The following ITGB3 variants were observed in gnomAD, a reference collection of about 807,000 sequenced individuals.
ITGB3 encodes the protein integrin subunit beta 3.
In ITGB3, 48 loss-of-function variants were observed where a neutral mutation model predicts 85.8. The ratio of observed to expected loss-of-function variants is 0.56; its 90% CI spans 0.44 to 0.71. ITGB3 has a LOEUF of 0.71. Ranked by LOEUF, ITGB3 falls within the 30% of genes least tolerant of loss-of-function variation. The pLI is 0.00. For synonymous variants in ITGB3, 363 were observed against 395.6 expected, an observed-to-expected ratio of 0.92 and a Z score of 0.98; for missense variants, 861 against 1,019.1, an observed-to-expected ratio of 0.84 and a Z score of 2.11.
intron 11 of ITGB3, 129 bp from the exon 12 acceptor site, chr17:47,300,349 G>C (rs1011402142): frequency 1.4e-6 from 1 of 727,432 alleles, no homozygotes; most frequent in Admixed American, 2.0e-5. Flanking sequence ...GCGCGCGCGT[G>C]TGTGTGTGTG....
chr17:47,290,776 G>A (rs867887487), intron 8 of ITGB3, among the ~76,000 whole-genome samples, 178 bp from the exon 9 acceptor site: 2 of 152,112 alleles, frequency 1.3e-5, no homozygotes, highest in African/African-American at 4.8e-5. Context: ...AGGTTCCTGC[G>A]CAGGAAACAG....
rs1282055572 is a variant in ITGB3 at position 47,313,245 on chromosome 17, AT to A, written c.*3043del. Among the ~76,000 whole-genome samples the A allele has an allele frequency of 6.6e-6, 1 of 151,684 alleles. No homozygotes were observed. The highest frequency in any genetic ancestry group is 1.5e-5 in the Non-Finnish European group (1 of 67,970). ...TTCCTCGGCCTCCCACAGTGCTGGGATTACAAGTGTGAAGCACTGTGCCCGG... is the reference window on the plus strand; with the variant it reads ...TTCCTCGGCCTCCCACAGTGCTGGGATACAAGTGTGAAGCACTGTGCCCGG... On this transcript the variant is annotated 3_prime_UTR_variant, in exon 15 of 15. Transcript: ENST00000559488.
At chr17:47,284,336 C>T in intron 3 of ITGB3, 107 bp from the exon 4 acceptor site, 1 of 1,330,392 alleles carries the variant, frequency 7.5e-7, no homozygotes, top group South Asian at 1.2e-5. Flanking sequence ...CCAGGGCTTT[C>T]TGGTTTGCTT....
intron 14 of ITGB3, among the ~76,000 whole-genome samples, chr17:47,309,674 G>A (rs768787961): frequency 6.6e-6 from 1 of 151,796 alleles, no homozygotes; most frequent in African/African-American, 2.4e-5. Context: ...CAGGTGGATC[G>A]CTTGAGCTCA....
chr17:47,293,106 A>G (rs1306626787), intron 10 of ITGB3, among the ~76,000 whole-genome samples: 1 of 152,218 alleles, frequency 6.6e-6, no homozygotes, highest in East Asian at 1.9e-4. Flanking sequence ...CAGTGGCCAC[A>G]TGTAGCTAGT....
At chr17:47,298,322 C>T (rs1263295640) in intron 10 of ITGB3, among the ~76,000 whole-genome samples, 1 of 152,120 alleles carries the variant, frequency 6.6e-6, no homozygotes, top group African/African-American at 2.4e-5. Flanking sequence ...TTTCTGACTT[C>T]TTTTCTCTAT....
intron 12 of ITGB3, among the ~76,000 whole-genome samples, chr17:47,301,766 G>T (rs1371401249): frequency 6.6e-6 from 1 of 152,050 alleles, no homozygotes; most frequent in Non-Finnish European, 1.5e-5. Context: ...TCTGTCAATA[G>T]CCTAGTGAAG....
chr17:47,268,634 CT>C (rs2065033892), intron 1 of ITGB3, among the ~76,000 whole-genome samples: 1 of 152,236 alleles, frequency 6.6e-6, no homozygotes, highest in Admixed American at 6.5e-5. Flanking sequence ...TCTCCCATGG[CT>C]TTGGGCAGCT....
At chr17:47,263,098 C>A (rs561706176) in intron 1 of ITGB3, among the ~76,000 whole-genome samples, 1 of 152,168 alleles carries the variant, frequency 6.6e-6, no homozygotes, top group Non-Finnish European at 1.5e-5. Context: ...TGAGGTCATA[C>A]GGCCAGAGGA....
intron 4 of ITGB3, 86 bp downstream of exon 4, chr17:47,284,781 C>T (rs2065096909): frequency 6.4e-7 from 1 of 1,559,098 alleles, no homozygotes; most frequent in Middle Eastern, 1.8e-4. Flanking sequence ...TCTAGGATCA[C>T]TTTGTTGGCT....
At chr17:47,265,298 G>T (rs2143043698) in intron 1 of ITGB3, among the ~76,000 whole-genome samples, 1 of 152,092 alleles carries the variant, frequency 6.6e-6, no homozygotes, top group Non-Finnish European at 1.5e-5. Context: ...AGTTTCTTAG[G>T]GCTGTTGTAA....
At chr17:47,295,954 C>T (rs754627244) in intron 10 of ITGB3, among the ~76,000 whole-genome samples, 6 of 152,196 alleles carry the variant, frequency 3.9e-5, no homozygotes, top group Non-Finnish European at 8.8e-5. Flanking sequence ...CTAGACTCTT[C>T]GCCTCAGGGT....
At chr17:47,302,520 A>T (rs9906248) in intron 12 of ITGB3, among the ~76,000 whole-genome samples, 1 of 152,160 alleles carries the variant, frequency 6.6e-6, no homozygotes, top group Non-Finnish European at 1.5e-5. Flanking sequence ...AAAAGGGCCT[A>T]TGCAGTACAA....
At chr17:47,285,027 G>A (rs903691947) in intron 4 of ITGB3, among the ~76,000 whole-genome samples, 3 of 152,178 alleles carry the variant, frequency 2.0e-5, no homozygotes, top group Admixed American at 6.5e-5. Flanking sequence ...GAGAAATTAC[G>A]ATTACAGAAG....
chr17:47,255,033 C>T (rs2064983646), intron 1 of ITGB3, among the ~76,000 whole-genome samples: 1 of 152,098 alleles, frequency 6.6e-6, no homozygotes, highest in African/African-American at 2.4e-5. Flanking sequence ...GGCTGGAGTG[C>T]AGTGGTGGGT....
intron 6 of ITGB3, among the ~76,000 whole-genome samples, 169 bp from the exon 7 acceptor site, chr17:47,289,512 A>G (rs891047124): frequency 6.6e-6 from 1 of 152,040 alleles, no homozygotes; most frequent in South Asian, 2.1e-4. Context: ...TTTTGTAGAG[A>G]TGGGGTCTTG....
intron 12 of ITGB3, among the ~76,000 whole-genome samples, chr17:47,301,099 T>G (rs2065165625): frequency 6.6e-6 from 1 of 152,190 alleles, no homozygotes; most frequent in Admixed American, 6.5e-5. Flanking sequence ...TCTGCCTCTC[T>G]GGGGCCCCTT....
intron 1 of ITGB3, among the ~76,000 whole-genome samples, chr17:47,255,379 G>A (rs1047170617): frequency 6.6e-6 from 1 of 152,138 alleles, no homozygotes; most frequent in Non-Finnish European, 1.5e-5. Flanking sequence ...TTCTGTGTAT[G>A]TATAGACGTA....
At chr17:47,300,346 C>CGCGCGCGCGCGTGTGT (rs377375532) in intron 11 of ITGB3, 132 bp from the exon 12 acceptor site, 464 of 619,728 alleles carry the variant, frequency 7.5e-4, no homozygotes, top group South Asian at 7.0e-3. Flanking sequence ...CGCGCGCGCG[C>CGCGCGCGCGCGTGTGT]GTGTGTGTGT....
Sources: gnomAD v4.1 joint callset for allele counts (sites outside exome capture counted in the v4.1 genomes callset) on GRCh38, gnomAD v4.1.1 for gene constraint, MANE v1.5 for transcripts, NCBI Gene and HGNC (gene_info 2026-07-23, HGNC 2026-07-21) for gene names.